RABGAP1: variants seen among roughly 807,000 people sequenced by gnomAD.
RABGAP1 encodes the protein rab GTPase-activating protein 1.
Under a neutral mutation model 137.6 loss-of-function variants are expected in RABGAP1, and 23 were observed. That is an observed-to-expected ratio of 0.17 (90% CI 0.12 to 0.24). The LOEUF is 0.24. Among genes scored for constraint, RABGAP1 ranks in the 10% least tolerant of loss-of-function variants. The probability of loss-of-function intolerance (pLI) is 1.00; values close to 1 mark genes in which losing one functional copy is unlikely to be tolerated. For missense variants in RABGAP1, 906 were observed against 1,275.8 expected, an observed-to-expected ratio of 0.71 and a Z score of 4.42; for synonymous variants, 451 against 450.7, an observed-to-expected ratio of 1.00 and a Z score of -0.01.
chr9:122,998,544 A>AAT (rs1837156656), intron 9 of RABGAP1, 53 bp from the exon 10 acceptor site: 1 of 1,296,434 alleles, frequency 7.7e-7, no homozygotes, highest in African/African-American at 1.5e-5. Flanking sequence ...CTTATGAGCA[A>AAT]ATATATTTGT....
intron 19 of RABGAP1, among the ~76,000 whole-genome samples, chr9:123,088,042 CTT>C (rs553939021): frequency 1.4e-5 from 2 of 144,426 alleles, no homozygotes. Flanking sequence ...GTTTCATATT[CTT>C]TTTTTTTTTT....
rs750877111 is a variant in RABGAP1, at chr9:122,957,068, C to T, written c.9C>T (p.Asp3=). The change falls in exon 2 of 26, where the codon GAC becomes GAT. Residue 3 remains aspartate, a synonymous_variant. Coordinates refer to ENST00000373647, the MANE Select transcript of RABGAP1 (RefSeq NM_012197.4). MD[D]KASVGKISVS... Reference sequence around the variant, plus strand: ...AGACTCATTCTTGAGTTATGGATGACAAGGCTTCTGTTGGAAAAATCAGTG... The same window carrying T: ...AGACTCATTCTTGAGTTATGGATGATAAGGCTTCTGTTGGAAAAATCAGTG... The T allele has an allele frequency of 9.2e-6, 14 of 1,515,578 alleles. No individual in the cohort carries two copies. Among genetic ancestry groups the T allele is most frequent in the South Asian group, 1.3e-5 (1 of 75,718 alleles). The allele number at this position is 1,515,578 out of a possible 1,614,324, so 93.9% of individuals were successfully genotyped here.
At chr9:123,009,910 G>A (rs2030647706) in intron 10 of RABGAP1, among the ~76,000 whole-genome samples, 1 of 152,130 alleles carries the variant, frequency 6.6e-6, no homozygotes, top group South Asian at 2.1e-4. Context: ...AATTTTCTTA[G>A]TCTTGAAGTT....
chr9:123,095,458 T>G (rs2035154402), intron 21 of RABGAP1, among the ~76,000 whole-genome samples: 1 of 152,162 alleles, frequency 6.6e-6, no homozygotes, highest in Admixed American at 6.5e-5. Context: ...CCCAGCACTT[T>G]GGAGGCCAAA....
In RABGAP1 at chr9:122,984,736, T is replaced by G; in HGVS notation, c.385+17T>G. On this transcript the variant is annotated intron_variant, in intron 3 of 25. Transcript: ENST00000373647. ...GACAAGGAGGTTAGGATTGCTGCAT[T>G]GCTTGCGTAACTGAAGGTTATTGTT... The G allele has an allele frequency of 6.2e-7, 1 of 1,604,514 alleles. No homozygotes were observed. The highest frequency in any genetic ancestry group is 1.7e-4 in the Middle Eastern group (1 of 6,044).
At chr9:123,007,739 A>G (rs955895365) in intron 10 of RABGAP1, among the ~76,000 whole-genome samples, 2 of 150,938 alleles carry the variant, frequency 1.3e-5, no homozygotes, top group Admixed American at 6.6e-5. Context: ...TTATTGGGGA[A>G]AATTGACATC....
intron 11 of RABGAP1, among the ~76,000 whole-genome samples, chr9:123,013,291 C>G (rs1225573885): frequency 6.6e-6 from 1 of 151,224 alleles, no homozygotes; most frequent in Non-Finnish European, 1.5e-5. Flanking sequence ...GCCAGTCTTG[C>G]AAGGTAGTGA....
At chr9:123,082,620 T>C (rs566235370) in intron 19 of RABGAP1, among the ~76,000 whole-genome samples, 7 of 152,360 alleles carry the variant, frequency 4.6e-5, no homozygotes, top group Non-Finnish European at 7.3e-5. Flanking sequence ...GTGAGTTTCC[T>C]AGATCAGACC....
intron 12 of RABGAP1, 142 bp downstream of exon 12, chr9:123,015,778 A>C: frequency 3.7e-6 from 2 of 544,932 alleles, no homozygotes; most frequent in Admixed American, 7.0e-5. Context: ...TTAGGGATTT[A>C]TATGAGTAAA....
At chr9:123,057,724 C>T (rs1017173254) in intron 13 of RABGAP1, among the ~76,000 whole-genome samples, 8 of 152,130 alleles carry the variant, frequency 5.3e-5, no homozygotes, top group Non-Finnish European at 7.4e-5. Context: ...GAGGTTGTAG[C>T]GAGCCGAGAT....
At chr9:123,016,141 T>C (rs1322758400) in intron 12 of RABGAP1, among the ~76,000 whole-genome samples, 1 of 152,208 alleles carries the variant, frequency 6.6e-6, no homozygotes, top group Admixed American at 6.5e-5. Flanking sequence ...TTTTAGGAAT[T>C]TCTCATCAGC....
At chr9:122,934,452 G>A in the RABGAP1 span, among the ~76,000 whole-genome samples, 1 of 152,120 alleles carries the variant, frequency 6.6e-6, no homozygotes, top group East Asian at 1.9e-4. Context: ...TTTAGTTGGA[G>A]CATGTGGATT....
In RABGAP1 at chr9:122,998,581, CTCTTT is replaced by C; in HGVS notation, c.1205-15_1205-11del. Reference sequence around the variant, plus strand: ...TTTCTGATTTACCTCTTCAGCCTCTCTCTTTCTTTGTTTAGATAAAGTCCTGTTTA... The same window carrying C: ...TTTCTGATTTACCTCTTCAGCCTCTCCTTTGTTTAGATAAAGTCCTGTTTA... On this transcript the variant is annotated splice_polypyrimidine_tract_variant and intron_variant, in intron 9 of 25. Transcript: ENST00000373647. 1 of 1,516,528 alleles carries C rather than the reference CTCTTT, an allele frequency of 6.6e-7. No individual in the cohort carries two copies. The highest frequency in any genetic ancestry group is 9.0e-7 in the Non-Finnish European group (1 of 1,116,252). 93.9% of individuals were successfully genotyped at this position (1,516,528 alleles called of 1,614,324 possible).
chr9:123,018,933 T>C (rs1481915658), intron 12 of RABGAP1, among the ~76,000 whole-genome samples: 1 of 152,204 alleles, frequency 6.6e-6, no homozygotes, highest in East Asian at 1.9e-4. Context: ...AACCAGCTGC[T>C]CTATAACAGA....
chr9:123,029,821 A>G, intron 13 of RABGAP1: 2 of 424,054 alleles, frequency 4.7e-6, no homozygotes, highest in Non-Finnish European at 8.9e-6. Context: ...AGTGAAGCTC[A>G]TTTTTACCAA....
At chr9:122,992,564 T>A (rs1241930017) in intron 6 of RABGAP1, among the ~76,000 whole-genome samples, 2 of 151,934 alleles carry the variant, frequency 1.3e-5, no homozygotes, top group African/African-American at 4.8e-5. Flanking sequence ...TCACATTTGT[T>A]AGGACTTTGT....
intron 10 of RABGAP1, among the ~76,000 whole-genome samples, chr9:123,004,735 T>G (rs1395072716): frequency 1.3e-5 from 2 of 152,120 alleles, no homozygotes; most frequent in African/African-American, 4.8e-5. Flanking sequence ...TAACAGTAAA[T>G]AATTTATTTG....
At chr9:122,939,575 C>G (rs904365215), upstream of RABGAP1, 3 of 152,038 alleles carry the variant, frequency 2.0e-5, no homozygotes, top group African/African-American at 7.2e-5. Context: ...TTGTGTAGTA[C>G]AATTTTATTT....
intron 13 of RABGAP1, among the ~76,000 whole-genome samples, chr9:123,039,777 T>C (rs2032862071): frequency 6.6e-6 from 1 of 152,170 alleles, no homozygotes; most frequent in Admixed American, 6.6e-5. Context: ...GATAAAGCTC[T>C]GTAAAACTGG....
Sources: allele counts gnomAD v4.1 joint callset (sites outside exome capture counted in the v4.1 genomes callset), GRCh38; gene constraint gnomAD v4.1.1; transcripts MANE v1.5; gene names NCBI Gene and HGNC (gene_info 2026-07-23, HGNC 2026-07-21).